UBA2: variants seen among roughly 807,000 people sequenced by gnomAD.
The protein encoded by UBA2 is SUMO-activating enzyme subunit 2.
Under a neutral mutation model 77.2 loss-of-function variants are expected in UBA2, and 11 were observed. The observed-to-expected ratio is 0.14, with a 90% confidence interval of 0.09 to 0.24. The LOEUF (loss-of-function observed/expected upper bound fraction) is 0.24. Among genes scored for constraint, UBA2 ranks in the 10% least tolerant of loss-of-function variants. UBA2 has a pLI of 1.00. For synonymous variants in UBA2, 278 were observed against 276.7 expected (o/e 1.00, Z -0.05); for missense variants, 487 against 781.7 (o/e 0.62, Z 4.50).
intron 5 of UBA2, among the ~76,000 whole-genome samples, chr19:34,435,692 T>C (rs1233479723): frequency 6.6e-6 from 1 of 151,876 alleles, no homozygotes; most frequent in Non-Finnish European, 1.5e-5. Flanking sequence ...TAGCTGGGTG[T>C]GGAGGCGTGT....
intron 7 of UBA2, among the ~76,000 whole-genome samples, chr19:34,444,494 A>C (rs976573477): frequency 6.6e-6 from 1 of 152,166 alleles, no homozygotes; most frequent in Non-Finnish European, 1.5e-5. Context: ...GAACTGTTAT[A>C]TGTGTAGCTT....
chr19:34,468,464 A>T (rs2075709520), intron 16 of UBA2, among the ~76,000 whole-genome samples: 1 of 152,218 alleles, frequency 6.6e-6, no homozygotes, highest in South Asian at 2.1e-4. Flanking sequence ...TGAGTAAGAT[A>T]GGTATTCTGC....
At chr19:34,455,940 G>T (rs193032000) in intron 12 of UBA2, among the ~76,000 whole-genome samples, 1 of 150,040 alleles carries the variant, frequency 6.7e-6, no homozygotes, top group African/African-American at 2.4e-5. Context: ...GAGCCACTGC[G>T]CCCGGCCTTT....
At chr19:34,430,501 C>A in intron 1 of UBA2, 75 bp from the exon 2 acceptor site, 1 of 1,079,448 alleles carries the variant, frequency 9.3e-7, no homozygotes, top group Non-Finnish European at 1.4e-6. Flanking sequence ...TTCTGGATTA[C>A]AGGTGCTGAG....
At chr19:34,438,288 GAGAAATAATT>G (rs1160574715) in intron 5 of UBA2, among the ~76,000 whole-genome samples, 1 of 150,764 alleles carries the variant, frequency 6.6e-6, no homozygotes, top group East Asian at 1.9e-4. Context: ...TTACAACTTT[GAGAAATAATT>G]TCTTGGAAAG....
intron 12 of UBA2, among the ~76,000 whole-genome samples, chr19:34,457,166 T>TAAAA (rs569078000): frequency 1.4e-3 from 72 of 51,020 alleles, no homozygotes; most frequent in South Asian, 4.8e-3. Flanking sequence ...TGGTCTCTAC[T>TAAAA]AAAAAAAAAA....
chr19:34,448,411 A>T (rs181519550), intron 8 of UBA2, among the ~76,000 whole-genome samples: 76 of 152,164 alleles, frequency 5.0e-4, no homozygotes, highest in Non-Finnish European at 8.2e-4. Flanking sequence ...CCTGGGCAAT[A>T]TAGCAAGACC....
At chr19:34,431,108 A>C (rs1253421807) in intron 2 of UBA2, among the ~76,000 whole-genome samples, 1 of 149,076 alleles carries the variant, frequency 6.7e-6, no homozygotes, top group East Asian at 2.0e-4. Flanking sequence ...TGTTTGGCAA[A>C]CCCCCACTTG....
Position 34,469,286 on chromosome 19 carries a change from T to A in UBA2, c.*65T>A. Reference sequence around the variant, plus strand: ...TTATCTGGGCAGAACCAGATTGTTATGTCCTTTGTTCCAAAGGGAAAAAAT... The same window carrying A: ...TTATCTGGGCAGAACCAGATTGTTAAGTCCTTTGTTCCAAAGGGAAAAAAT... On this transcript the variant is annotated 3_prime_UTR_variant, in exon 17 of 17. Coordinates refer to ENST00000246548, the MANE Select transcript of UBA2 (RefSeq NM_005499.3). The A allele has an allele frequency of 7.1e-7, 1 of 1,406,528 alleles. No homozygotes were observed. The highest frequency in any genetic ancestry group is 9.3e-7 in the Non-Finnish European group (1 of 1,075,110). The allele number at this position is 1,406,528 out of a possible 1,614,324, so 87.1% of individuals were successfully genotyped here. A position where few individuals can be genotyped will look rare whatever the true frequency, so the allele number is the denominator to read the frequency against.
In UBA2 at chr19:34,432,990, C is replaced by A. The variant is rs572741631; in HGVS notation, c.294-358C>A. ...GGCCTGAACCCTGCCTGATCCTGAT[C>A]ATGTGAGGTGAAGTCAGAGGCCAGG... On this transcript the variant is annotated intron_variant, in intron 3 of 16. Transcript: ENST00000246548. Among the ~76,000 whole-genome samples the A allele has an allele frequency of 3.3e-5, 5 of 152,276 alleles. No individual in the cohort carries two copies. The South Asian group carries it at 6.2e-4, about 19-fold the overall frequency.
chr19:34,432,179 G>T (rs1468262635), intron 3 of UBA2: 2 of 310,806 alleles, frequency 6.4e-6, no homozygotes, highest in Non-Finnish European at 1.2e-5. Context: ...GACCTTATAT[G>T]CTTGCCTTAA....
At chr19:34,454,624 A>G in intron 12 of UBA2, 68 bp downstream of exon 12, 2 of 765,214 alleles carry the variant, frequency 2.6e-6, no homozygotes, top group Non-Finnish European at 3.9e-6. Flanking sequence ...AGTACATTAA[A>G]CAGATAATTT....
chr19:34,429,891 G>T (rs538369337), intron 1 of UBA2, among the ~76,000 whole-genome samples: 1 of 152,260 alleles, frequency 6.6e-6, no homozygotes, highest in South Asian at 2.1e-4. Context: ...GTACTTGAAA[G>T]AGTAATTCGA....
rs2075693296 is a variant in UBA2 at position 34,466,822 on chromosome 19, G to C, written c.1605-56G>C. On this transcript the variant is annotated intron_variant, in intron 15 of 16. Transcript: ENST00000246548. ...CTTTGAGGAACAACAGGATTTCTCT[G>C]GTGCTCCTTTGCTTTCTAAATAGTC... 3.3e-6 allele frequency: 5 copies of C among 1,535,240 alleles called. No individual in the cohort carries two copies. The Admixed American group carries it at 6.7e-5, about 21-fold the overall frequency.
intron 9 of UBA2, 148 bp downstream of exon 9, chr19:34,450,512 C>A: frequency 1.9e-6 from 1 of 523,996 alleles, no homozygotes. Context: ...TCACTGAAGT[C>A]CCACACTTCA....
At chr19:34,448,243 C>T (rs1218267614) in intron 8 of UBA2, among the ~76,000 whole-genome samples, 1 of 152,110 alleles carries the variant, frequency 6.6e-6, no homozygotes, top group Non-Finnish European at 1.5e-5. Context: ...CCCACTGGAA[C>T]ATGGAGGAGT....
rs1375031371 is a variant in UBA2 at position 34,430,572 on chromosome 19, G to T, written c.139-4G>T. 6.2e-7 allele frequency: 1 copy of T among 1,609,946 alleles called. No individual in the cohort carries two copies. Among genetic ancestry groups the T allele is most frequent in the South Asian group, 1.1e-5 (1 of 90,742 alleles). ...TCATTTATCTGGGGTTTATGCATTT[G>T]TAGATTGATCTGGATACTATTGATG... On this transcript the variant is annotated splice_region_variant and splice_polypyrimidine_tract_variant and intron_variant, in intron 1 of 16. Transcript: ENST00000246548.
At chr19:34,445,579 C>T (rs1314293778) in intron 8 of UBA2, among the ~76,000 whole-genome samples, 1 of 151,886 alleles carries the variant, frequency 6.6e-6, no homozygotes, top group Non-Finnish European at 1.5e-5. Flanking sequence ...GCTGGGATTA[C>T]AGGTGTGTAC....
intron 8 of UBA2, among the ~76,000 whole-genome samples, chr19:34,447,788 C>T (rs567806796): frequency 1.3e-5 from 2 of 152,338 alleles, no homozygotes; most frequent in East Asian, 1.9e-4. Context: ...GACTCATCTC[C>T]TGGCCTGCAT....
Sources: gnomAD v4.1 joint callset for allele counts (sites outside exome capture counted in the v4.1 genomes callset) on GRCh38, gnomAD v4.1.1 for gene constraint, MANE v1.5 for transcripts, NCBI Gene and HGNC (gene_info 2026-07-23, HGNC 2026-07-21) for gene names.